PRKN: variants seen among roughly 807,000 people sequenced by gnomAD.
PRKN encodes E3 ubiquitin-protein ligase parkin.
A neutral mutation model predicts 59.5 loss-of-function variants in PRKN; 56 were observed. That is an observed-to-expected ratio of 0.94 (90% CI 0.76 to 1.18). PRKN has a LOEUF of 1.18. PRKN is among the 50% of genes most tolerant of loss of function. The pLI is 0.00. For synonymous variants in PRKN, 250 were observed against 222.1 expected (o/e 1.13, Z -1.12); for missense variants, 657 against 596.4 (o/e 1.10, Z -1.06).
chr6:162,185,564 C>A (rs933700720), intron 4 of PRKN, among the ~76,000 whole-genome samples: 5 of 152,256 alleles, frequency 3.3e-5, no homozygotes, highest in Admixed American at 3.3e-4. Flanking sequence ...ATTTCAAAAT[C>A]TTTTTCCCTC....
At position 161,442,708 on chromosome 6, in the gene PRKN, C is replaced by T. The variant is rs560953926; in HGVS notation, c.1084-55831G>A. Among the ~76,000 whole-genome samples, 1 of 152,332 alleles carries T rather than the reference C, an allele frequency of 6.6e-6. No homozygotes were observed. The highest frequency in any genetic ancestry group is 2.1e-4 in the South Asian group (1 of 4,820). ...TTCCTTCGGGGCCCCGCTTACACAC[C>T]AACACCCATGAATGCTTTTCAACGA... On this transcript the variant is annotated intron_variant, in intron 9 of 11. Coordinates refer to ENST00000366898, the MANE Select transcript of PRKN (RefSeq NM_004562.3). The surrounding 1 kb of genome is among the most constrained non-coding windows in gnomAD (Gnocchi z 4.6).
At chr6:162,202,436 T>A (rs9456752) in intron 3 of PRKN, among the ~76,000 whole-genome samples, 48,056 of 152,016 alleles carry the variant, frequency 0.32, 8,495 homozygotes, top group South Asian at 0.46. Context: ...AACAAAGATG[T>A]AAAGTTTCAT....
chr6:162,174,573 T>G (rs1236100509), intron 4 of PRKN, among the ~76,000 whole-genome samples: 1 of 152,218 alleles, frequency 6.6e-6, no homozygotes, highest in South Asian at 2.1e-4. Context: ...GTATCACACA[T>G]CTTGGGTTGT....
chr6:162,062,499 G>C (rs1778141615), intron 4 of PRKN, among the ~76,000 whole-genome samples: 1 of 152,142 alleles, frequency 6.6e-6, no homozygotes, highest in African/African-American at 2.4e-5. Context: ...AATGCATTTG[G>C]AGATAGGTCT....
intron 7 of PRKN, among the ~76,000 whole-genome samples, chr6:161,691,648 C>T (rs1264144064): frequency 2.0e-5 from 3 of 152,164 alleles, no homozygotes; most frequent in East Asian, 1.9e-4. Flanking sequence ...CTAGACAGCA[C>T]TATGCTTGGG....
chr6:162,248,131 C>G lies in PRKN; in HGVS notation c.412+14394G>C, dbSNP rs533881931. On this transcript the variant is annotated intron_variant, in intron 3 of 11. Coordinates refer to ENST00000366898, the MANE Select transcript of PRKN (RefSeq NM_004562.3). ...TAATCACCTCCCCACTACAGAAGAG[C>G]TATGGAATGAGCTGTCAAATCAGAA... Among the ~76,000 whole-genome samples the G allele has an allele frequency of 1.3e-3, 196 of 152,250 alleles. 2 individuals carry two copies. The highest frequency in any genetic ancestry group is 4.3e-3 in the African/African-American group (180 of 41,550).
intron 4 of PRKN, among the ~76,000 whole-genome samples, chr6:162,073,680 G>C (rs891503804): frequency 6.6e-6 from 1 of 152,158 alleles, no homozygotes; most frequent in Non-Finnish European, 1.5e-5. Flanking sequence ...TGGAACTCCC[G>C]GGCTCAAGCA....
intron 6 of PRKN, among the ~76,000 whole-genome samples, chr6:161,840,765 T>TC (rs1229873556): frequency 6.6e-6 from 1 of 152,152 alleles, no homozygotes; most frequent in Non-Finnish European, 1.5e-5. Flanking sequence ...TCCACCCATG[T>TC]CCCTGCAAGG....
Position 161,499,497 on chromosome 6 carries a change from C to G in PRKN, c.1083+49357G>C, listed in dbSNP as rs1249578957. On this transcript the variant is annotated intron_variant, in intron 9 of 11. Coordinates refer to ENST00000366898, the MANE Select transcript of PRKN (RefSeq NM_004562.3). The surrounding 1 kb of genome is among the most constrained non-coding windows in gnomAD (Gnocchi z 4.2). ...CTCTCGTTCATGTCACCTGTTGCTT[C>G]TTATTGGCTTTGGAATGTGGGACCT... Among the ~76,000 whole-genome samples the G allele has an allele frequency of 2.0e-5, 3 of 152,214 alleles. No individual in the cohort carries two copies. The highest frequency in any genetic ancestry group is 4.1e-4 in the South Asian group (2 of 4,822).
At chr6:161,506,843 G>C (rs1474767) in intron 9 of PRKN, among the ~76,000 whole-genome samples, 25,183 of 152,246 alleles carry the variant, frequency 0.17, 2,467 homozygotes, top group Middle Eastern at 0.29. Context: ...TTGGTCTGCA[G>C]TACCAAAAAG....
chr6:161,453,054 G>A (rs1305599191), intron 9 of PRKN, among the ~76,000 whole-genome samples: 2 of 151,984 alleles, frequency 1.3e-5, no homozygotes, highest in Admixed American at 6.6e-5. Context: ...GTATTCAATC[G>A]CATTTTTGAT....
rs561490951 is a variant in PRKN at position 162,146,151 on chromosome 6, A to G, written c.534+54980T>C. On this transcript the variant is annotated intron_variant, in intron 4 of 11. Transcript: ENST00000366898. ...CCTGCCTCCAGACCCTATTCTCCCAACTGATTATCTCTTTTTCTATATAGC... is the reference window on the plus strand; with the variant it reads ...CCTGCCTCCAGACCCTATTCTCCCAGCTGATTATCTCTTTTTCTATATAGC... Among the ~76,000 whole-genome samples the G allele has an allele frequency of 9.2e-5, 14 of 152,160 alleles. No individual in the cohort carries two copies. The South Asian group carries it at 2.7e-3, about 29-fold the overall frequency.
At chr6:161,555,873 TAATC>T (rs1410050304) in intron 8 of PRKN, among the ~76,000 whole-genome samples, 2 of 152,216 alleles carry the variant, frequency 1.3e-5, no homozygotes, top group Non-Finnish European at 2.9e-5. Context: ...TCTAATAAGA[TAATC>T]AATAGCAATG....
At chr6:162,452,300 C>T (rs1409998114) in intron 1 of PRKN, among the ~76,000 whole-genome samples, 1 of 152,010 alleles carries the variant, frequency 6.6e-6, no homozygotes, top group African/African-American at 2.4e-5. Context: ...GATTCAAATC[C>T]ACAAGAAACA....
In PRKN at chr6:162,352,004, T is replaced by C. The variant is rs150321538; in HGVS notation, c.172-89239A>G. 2.4e-3 allele frequency among the ~76,000 whole-genome samples: 370 copies of C among 152,218 alleles called. 1 individual carries two copies. Among genetic ancestry groups the C allele is most frequent in the African/African-American group, 8.6e-3 (357 of 41,546 alleles). On this transcript the variant is annotated intron_variant, in intron 2 of 11. Transcript: ENST00000366898. ...ACCAGCAAGCTTTTGAGCCACCCCC[T>C]CCGGACACCAGAGTGCTACTTATTC... is the stretch of plus-strand genomic sequence containing the variant.
chr6:162,283,258 C>T (rs919973563), intron 2 of PRKN, among the ~76,000 whole-genome samples: 18 of 152,106 alleles, frequency 1.2e-4, no homozygotes, highest in Non-Finnish European at 2.6e-4. Context: ...TGCTTTCTAA[C>T]TTTTATTATC....
rs1469244638 is a variant in PRKN at position 161,409,300 on chromosome 6, A to G, written c.1084-22423T>C. 6.6e-6 allele frequency among the ~76,000 whole-genome samples: 1 copy of G among 152,198 alleles called. No homozygotes were observed. The highest frequency in any genetic ancestry group is 1.9e-4 in the East Asian group (1 of 5,196). On this transcript the variant is annotated intron_variant, in intron 9 of 11. Transcript: ENST00000366898. This position sits in a 1 kb window ranked among gnomAD's most constrained non-coding sequence, Gnocchi z 4.6. ...GGTTGAGAATACTCTTCATTACTAC[A>G]AGCATTTTGGACAGAAAATCTCTGA... is the stretch of plus-strand genomic sequence containing the variant.
At chr6:162,445,395 G>C (rs1413601109) in intron 1 of PRKN, among the ~76,000 whole-genome samples, 1 of 152,068 alleles carries the variant, frequency 6.6e-6, no homozygotes, top group East Asian at 1.9e-4. Context: ...CATCTCAGAA[G>C]AAAAGTCCAG....
chr6:161,863,607 A>G (rs1166813266), intron 6 of PRKN, among the ~76,000 whole-genome samples: 1 of 152,214 alleles, frequency 6.6e-6, no homozygotes, highest in Non-Finnish European at 1.5e-5. Context: ...CTGTATGACA[A>G]TTAACCCAGT....
Sources: gnomAD v4.1 joint callset for allele counts (sites outside exome capture counted in the v4.1 genomes callset) on GRCh38, gnomAD v4.1.1 for gene constraint, Gnocchi (gnomAD v3.1) non-coding constraint, MANE v1.5 for transcripts, NCBI Gene and HGNC (gene_info 2026-07-23, HGNC 2026-07-21) for gene names.